SMIM14: variants seen among roughly 807,000 people sequenced by gnomAD.
The protein encoded by SMIM14 is small integral membrane protein 14.
In SMIM14, 5 loss-of-function variants were observed where a neutral mutation model predicts 12.6. That is an observed-to-expected ratio of 0.40 (90% CI 0.21 to 0.83). The LOEUF (loss-of-function observed/expected upper bound fraction) is 0.83. Ranked by LOEUF, SMIM14 falls within the 40% of genes least tolerant of loss-of-function variation. SMIM14 has a pLI of 0.37. For missense variants in SMIM14, 86 were observed against 119.1 expected (o/e 0.72, Z 1.29); for synonymous variants, 30 against 40.1 (o/e 0.75, Z 0.95).
At chr4:39,577,937 G>A (rs991071786) in intron 2 of SMIM14, among the ~76,000 whole-genome samples, 1 of 152,064 alleles carries the variant, frequency 6.6e-6, no homozygotes, top group Non-Finnish European at 1.5e-5. Flanking sequence ...TCACAAACAG[G>A]CTATGCTCTA....
chr4:39,612,551 C>G (rs533426232), intron 1 of SMIM14, among the ~76,000 whole-genome samples: 1 of 152,268 alleles, frequency 6.6e-6, no homozygotes, highest in African/African-American at 2.4e-5. Flanking sequence ...TGTATCCCCC[C>G]AGGCCAATAC....
intron 1 of SMIM14, among the ~76,000 whole-genome samples, chr4:39,606,098 C>A (rs112389612): frequency 0.34 from 51,505 of 151,918 alleles, 9,143 homozygotes; most frequent in Middle Eastern, 0.43. Flanking sequence ...GTAATCCCAG[C>A]ACTTTGGGAG....
chr4:39,604,642 G>A (rs894430231), intron 2 of SMIM14, among the ~76,000 whole-genome samples: 4 of 150,508 alleles, frequency 2.7e-5, no homozygotes, highest in Admixed American at 6.6e-5. Flanking sequence ...ACAGAGTCTT[G>A]TTCTGTCGCC....
intron 2 of SMIM14, among the ~76,000 whole-genome samples, chr4:39,604,735 C>T (rs1321003768): frequency 6.6e-6 from 1 of 151,412 alleles, no homozygotes; most frequent in Admixed American, 6.6e-5. Context: ...CTCAGCCTTC[C>T]GAGTAGCTGG....
intron 1 of SMIM14, among the ~76,000 whole-genome samples, chr4:39,614,446 G>T (rs1715147665): frequency 6.6e-6 from 1 of 151,654 alleles, no homozygotes; most frequent in Non-Finnish European, 1.5e-5. Flanking sequence ...CTCAGCTCCA[G>T]AGTAGCTGGG....
intron 1 of SMIM14, among the ~76,000 whole-genome samples, chr4:39,619,780 TTATA>T (rs902621488): frequency 2.3e-4 from 32 of 139,900 alleles, no homozygotes; most frequent in Admixed American, 2.1e-3. Context: ...AAATAATTTA[TTATA>T]TATATTTATA....
rs1444503845 is a variant in SMIM14, at chr4:39,546,587, T to A, written c.*5539A>T. The A allele has an allele frequency of 6.6e-6, 1 of 152,258 alleles. No homozygotes were observed. Among genetic ancestry groups the A allele is most frequent in the Non-Finnish European group, 1.5e-5 (1 of 68,044 alleles). The allele number at this position is 152,258 out of a possible 1,614,324, so 9.4% of individuals were successfully genotyped here. A position where few individuals can be genotyped will look rare whatever the true frequency, so the allele number is the denominator to read the frequency against. On this transcript the variant is annotated 3_prime_UTR_variant, in exon 5 of 5. Coordinates refer to ENST00000295958, the MANE Select transcript of SMIM14 (RefSeq NM_174921.3). ...AGGTGAAATGCCAAGACCAAAAAAC[T>A]TATTTTATTTGAATTCCATTTTCTG... is the stretch of plus-strand genomic sequence containing the variant.
intron 3 of SMIM14, among the ~76,000 whole-genome samples, chr4:39,559,456 TGTA>T (rs1412693928): frequency 6.6e-6 from 1 of 151,400 alleles, no homozygotes; most frequent in Non-Finnish European, 1.5e-5. Context: ...TAGAGGAAAA[TGTA>T]GTATCCCTAG....
At chr4:39,583,700 C>T (rs761311028) in intron 2 of SMIM14, among the ~76,000 whole-genome samples, 2 of 152,070 alleles carry the variant, frequency 1.3e-5, no homozygotes, top group Non-Finnish European at 2.9e-5. Context: ...GTTCCACATA[C>T]GTGTACACAT....
intron 2 of SMIM14, among the ~76,000 whole-genome samples, chr4:39,573,489 T>C (rs1352121860): frequency 6.6e-6 from 1 of 152,150 alleles, no homozygotes; most frequent in Non-Finnish European, 1.5e-5. Context: ...GTCTACTTTT[T>C]TTCCTACCCA....
intron 1 of SMIM14, among the ~76,000 whole-genome samples, chr4:39,606,509 C>T (rs1290074974): frequency 2.0e-5 from 3 of 151,944 alleles, no homozygotes; most frequent in South Asian, 4.2e-4. Context: ...AGCGTGGTGG[C>T]GTGTGCTTGT....
At chr4:39,565,250 A>ATCC (rs1712513436) in intron 3 of SMIM14, among the ~76,000 whole-genome samples, 2 of 152,166 alleles carry the variant, frequency 1.3e-5, no homozygotes, top group African/African-American at 4.8e-5. Context: ...AAATCAAAAG[A>ATCC]GTAACAGGAT....
chr4:39,632,386 T>G (rs1715933283), intron 1 of SMIM14, among the ~76,000 whole-genome samples: 1 of 145,504 alleles, frequency 6.9e-6, no homozygotes, highest in African/African-American at 2.6e-5. Flanking sequence ...AGGCTGAGGC[T>G]GGAGAATCAC....
At chr4:39,609,875 A>G (rs527594366) in intron 1 of SMIM14, among the ~76,000 whole-genome samples, 3 of 152,360 alleles carry the variant, frequency 2.0e-5, no homozygotes. Context: ...TTGGAGAATG[A>G]TATTTTAATG....
Position 39,547,566 on chromosome 4 carries a change from G to GCAA in SMIM14, c.*4557_*4559dup, listed in dbSNP as rs1435241654. 1 of 152,086 alleles carries GCAA rather than the reference G, an allele frequency of 6.6e-6. No individual in the cohort carries two copies. Among genetic ancestry groups the GCAA allele is most frequent in the East Asian group, 1.9e-4 (1 of 5,202 alleles). The allele number at this position is 152,086 out of a possible 1,614,324, so 9.4% of individuals were successfully genotyped here. A position where few individuals can be genotyped will look rare whatever the true frequency, so the allele number is the denominator to read the frequency against. On this transcript the variant is annotated 3_prime_UTR_variant, in exon 5 of 5. Transcript: ENST00000295958. ...TTATAAGAAGACTAAACTTACTATT[G>GCAA]CAACAACAAAAATTTAACCCATTAA...
At chr4:39,619,878 T>TATA (rs1195982564) in intron 1 of SMIM14, among the ~76,000 whole-genome samples, 1,794 of 53,598 alleles carry the variant, frequency 0.033, 59 homozygotes, top group African/African-American at 0.12. Context: ...ATATATATAT[T>TATA]TTTTTTTTTT....
rs192993901 is a variant in SMIM14 at position 39,604,612 on chromosome 4, C to A, written c.75+459G>T. The stretch of plus-strand genomic sequence containing the variant: ...TCATCTCTAATGAAATAATTGCTAG[C>A]AAACTTTTTTTTTTTTGAGACAGAG... On this transcript the variant is annotated intron_variant, in intron 2 of 4. Transcript: ENST00000295958. 2.3e-3 allele frequency among the ~76,000 whole-genome samples: 346 copies of A among 151,618 alleles called. 1 individual carries two copies. The highest frequency in any genetic ancestry group is 8.1e-3 in the African/African-American group (334 of 41,340).
intron 1 of SMIM14, among the ~76,000 whole-genome samples, chr4:39,618,833 C>T (rs1332039417): frequency 6.6e-6 from 1 of 151,938 alleles, no homozygotes; most frequent in Non-Finnish European, 1.5e-5. Flanking sequence ...TTTCAACCTG[C>T]ATGTTGGACC....
intron 4 of SMIM14, among the ~76,000 whole-genome samples, chr4:39,553,321 C>T (rs1363764275): frequency 6.6e-6 from 1 of 151,988 alleles, no homozygotes; most frequent in Non-Finnish European, 1.5e-5. Context: ...CCTCAGCCTC[C>T]CAAAGTGCTG....
Sources: allele counts gnomAD v4.1 joint callset (sites outside exome capture counted in the v4.1 genomes callset), GRCh38; gene constraint gnomAD v4.1.1; transcripts MANE v1.5; gene names NCBI Gene and HGNC (gene_info 2026-07-23, HGNC 2026-07-21).